Variants in CYTH1 observed in about 807,000 individuals in gnomAD.
CYTH1 encodes cytohesin-1.
Under a neutral mutation model 61.8 loss-of-function variants are expected in CYTH1, and 18 were observed. That is an observed-to-expected ratio of 0.29 (90% CI 0.20 to 0.43). The LOEUF (loss-of-function observed/expected upper bound fraction) is 0.43, where lower values mean the gene tolerates loss of function less well. Ranked by LOEUF, CYTH1 falls within the 20% of genes least tolerant of loss-of-function variation. CYTH1 has a pLI of 1.00. For synonymous variants in CYTH1, 174 were observed against 184.3 expected (o/e 0.94, Z 0.45); for missense variants, 336 against 510.5 (o/e 0.66, Z 3.29).
In CYTH1 at chr17:78,711,665, T is replaced by C. The variant is rs972016769; in HGVS notation, c.23-1933A>G. On this transcript the variant is annotated intron_variant, in intron 1 of 13. Transcript: ENST00000446868. ...AGAAACAATAGACTACAGTGAAGTG[T>C]ACAGTGGGTTAATTAGCTACATTAG... Among the ~76,000 whole-genome samples, 5 of 151,474 alleles carry C rather than the reference T, an allele frequency of 3.3e-5. No individual in the cohort carries two copies. The South Asian group carries it at 6.2e-4, about 19-fold the overall frequency.
chr17:78,772,396 T>A (rs2093474914), intron 1 of CYTH1, among the ~76,000 whole-genome samples: 1 of 152,188 alleles, frequency 6.6e-6, no homozygotes. Context: ...ATAGAATAAG[T>A]GTCCTAACTG....
At chr17:78,698,672 A>T in intron 8 of CYTH1, 148 bp downstream of exon 8, 1 of 1,013,466 alleles carries the variant, frequency 9.9e-7, no homozygotes, top group African/African-American at 1.7e-5. Flanking sequence ...CCTTACTACC[A>T]CTTTCTTAAT....
At chr17:78,676,888 G>A in intron 13 of CYTH1, 1 of 417,306 alleles carries the variant, frequency 2.4e-6, no homozygotes, top group Non-Finnish European at 4.8e-6. Flanking sequence ...GCAACTTATG[G>A]TCTAAAAGTC....
At position 78,680,206 on chromosome 17, in the gene CYTH1, ACTC is replaced by A; in HGVS notation, c.1099_1101del (p.Glu367del). On this transcript the variant is annotated inframe_deletion, in exon 13 of 14. Transcript: ENST00000446868. ...GTCACTTACTTAATGCACTTAATCC[ACTC>A]CTCCTTCTCCTCGGGCGTCGGAGCT... The A allele has an allele frequency of 6.2e-7, 1 of 1,612,870 alleles. No homozygotes were observed. The highest frequency in any genetic ancestry group is 8.5e-7 in the Non-Finnish European group (1 of 1,179,686).
chr17:78,727,990 C>T lies in CYTH1; in HGVS notation c.23-18258G>A, dbSNP rs182288788. 2.0e-5 allele frequency: 5 copies of T among 248,524 alleles called. No homozygotes were observed. In the East Asian group the frequency reaches 6.2e-4, roughly 31 times the overall value. 15.4% of individuals were successfully genotyped at this position (248,524 alleles called of 1,614,324 possible). The stretch of plus-strand genomic sequence containing the variant: ...TGACCCATGAGAGGGCAGTGAGTCC[C>T]TGATATCATGCAGGTGTCCTATGGC... On this transcript the variant is annotated intron_variant, in intron 1 of 13. Transcript: ENST00000446868.
intron 1 of CYTH1, among the ~76,000 whole-genome samples, chr17:78,734,298 A>G (rs2093309677): frequency 6.6e-6 from 1 of 152,136 alleles, no homozygotes; most frequent in South Asian, 2.1e-4. Context: ...ATAGCTAAAA[A>G]TAATAATAAC....
intron 1 of CYTH1, among the ~76,000 whole-genome samples, chr17:78,754,499 G>A (rs951340527): frequency 4.6e-5 from 7 of 151,882 alleles, no homozygotes; most frequent in East Asian, 1.9e-4. Flanking sequence ...GTGCACCAAC[G>A]TGCCAAACTA....
rs796247550 is a variant in CYTH1, at chr17:78,725,259, G to C, written c.23-15527C>G. Among the ~76,000 whole-genome samples the C allele has an allele frequency of 1.1e-4, 16 of 152,274 alleles. 1 individual carries two copies. Among genetic ancestry groups the C allele is most frequent in the African/African-American group, 3.9e-4 (16 of 41,552 alleles). ...TTCCTCCAGCCATGCTCCCTGCTCAGTTTACCCATATTAACCATCACCTGA... is the reference window on the plus strand; with the variant it reads ...TTCCTCCAGCCATGCTCCCTGCTCACTTTACCCATATTAACCATCACCTGA... On this transcript the variant is annotated intron_variant, in intron 1 of 13. Transcript: ENST00000446868.
At chr17:78,678,907 G>A (rs142250845) in intron 13 of CYTH1, among the ~76,000 whole-genome samples, 151 of 152,356 alleles carry the variant, frequency 9.9e-4, no homozygotes, top group African/African-American at 3.5e-3. Flanking sequence ...GAGTCTCAGC[G>A]CAGCGTGACC....
intron 1 of CYTH1, among the ~76,000 whole-genome samples, chr17:78,710,985 G>A (rs895625065): frequency 1.3e-5 from 2 of 152,096 alleles, no homozygotes; most frequent in African/African-American, 2.4e-5. Flanking sequence ...CACCGAGGCC[G>A]GGCACAGTGG....
In CYTH1 at chr17:78,698,185, ACACG is replaced by A. The variant is rs530130889; in HGVS notation, c.811+80_811+83del. 433 of 1,115,864 alleles carry A rather than the reference ACACG, an allele frequency of 3.9e-4. 5 individuals carry two copies. The South Asian group carries it at 4.7e-3, about 12-fold the overall frequency. The allele number at this position is 1,115,864 out of a possible 1,614,324, so 69.1% of individuals were successfully genotyped here. On this transcript the variant is annotated intron_variant, in intron 9 of 13. Transcript: ENST00000446868. Reference sequence around the variant, plus strand: ...CACGCACAAACACGCACACGCGCACACACGCACGCACGCACACACGCACACACAC... The same window carrying A: ...CACGCACAAACACGCACACGCGCACACACGCACGCACACACGCACACACAC...
intron 1 of CYTH1, among the ~76,000 whole-genome samples, chr17:78,744,324 G>A (rs1457124867): frequency 1.3e-5 from 2 of 152,288 alleles, no homozygotes; most frequent in East Asian, 3.9e-4. Flanking sequence ...TGGGTACCCT[G>A]CAGCCTTTCT....
At chr17:78,691,890 C>A (rs968271188) in intron 11 of CYTH1, 3 of 153,586 alleles carry the variant, frequency 2.0e-5, no homozygotes, top group Admixed American at 6.5e-5. Flanking sequence ...TAAAAACCAA[C>A]AAAACTTCTT....
chr17:78,714,071 C>T (rs1259425596), intron 1 of CYTH1, among the ~76,000 whole-genome samples: 1 of 152,178 alleles, frequency 6.6e-6, no homozygotes, highest in Non-Finnish European at 1.5e-5. Flanking sequence ...GGGTGGATCA[C>T]GTGAGGCCAG....
Position 78,702,238 on chromosome 17 carries a change from C to A in CYTH1, c.240G>T (p.Gly80=), listed in dbSNP as rs1760931267. The A allele has an allele frequency of 1.2e-6, 2 of 1,611,876 alleles. No individual in the cohort carries two copies. Among genetic ancestry groups the A allele is most frequent in the Non-Finnish European group, 1.7e-6 (2 of 1,178,486 alleles). The change falls in exon 5 of 14, where the codon GGG becomes GGT. Residue 80 remains glycine, a splice_region_variant and synonymous_variant. Transcript: ENST00000446868. ...RKKFNMDPKK[G]IQFLIENDLL... ...GGTCGTTCTCTATTAAGAACTGGAT[C>A]CCCTAGAAAAAGACAACAAAGACGC...
At chr17:78,738,175 G>A (rs776273283) in intron 1 of CYTH1, among the ~76,000 whole-genome samples, 7 of 152,066 alleles carry the variant, frequency 4.6e-5, no homozygotes, top group Non-Finnish European at 7.4e-5. Context: ...CCTCATCATC[G>A]TAATAGATAA....
At chr17:78,713,406 C>G (rs2093153710) in intron 1 of CYTH1, among the ~76,000 whole-genome samples, 1 of 152,126 alleles carries the variant, frequency 6.6e-6, no homozygotes, top group South Asian at 2.1e-4. Flanking sequence ...GCAAGAGGCT[C>G]AATAATTGGG....
intron 1 of CYTH1, among the ~76,000 whole-genome samples, chr17:78,781,919 C>CCCGCGAGA (rs2093520053): frequency 6.6e-6 from 1 of 151,646 alleles, no homozygotes; most frequent in African/African-American, 2.4e-5. Flanking sequence ...GACCCCTGGC[C>CCCGCGAGA]CCGCGAGACC....
chr17:78,734,683 G>A (rs907477372), intron 1 of CYTH1, among the ~76,000 whole-genome samples: 4 of 152,068 alleles, frequency 2.6e-5, no homozygotes, highest in African/African-American at 4.8e-5. Context: ...CAGGTGATCC[G>A]CCTGCCTGGG....
Sources: allele counts gnomAD v4.1 joint callset (sites outside exome capture counted in the v4.1 genomes callset), GRCh38; gene constraint gnomAD v4.1.1; transcripts MANE v1.5; gene names NCBI Gene and HGNC (gene_info 2026-07-23, HGNC 2026-07-21).